The following DNAI7 variants were observed in gnomAD, a reference collection of about 807,000 sequenced individuals.
DNAI7 encodes cancer susceptibility 1.
In DNAI7, 78 loss-of-function variants were observed where a neutral mutation model predicts 86.6. That is an observed-to-expected ratio of 0.90 (90% CI 0.75 to 1.09). The LOEUF (loss-of-function observed/expected upper bound fraction) is 1.09. Among genes scored for constraint, DNAI7 ranks in the 50% least tolerant of loss-of-function variants. The pLI is 0.00. For missense variants in DNAI7, 753 were observed against 810.2 expected, an observed-to-expected ratio of 0.93 and a Z score of 0.86; for synonymous variants, 274 against 273.0, an observed-to-expected ratio of 1.00 and a Z score of -0.04.
chr12:25,111,686 GTATATAATATTAAATTATATAACAT>G, intron 14 of DNAI7, 61 bp downstream of exon 14: 1 of 672,986 alleles, frequency 1.5e-6, no homozygotes, highest in Non-Finnish European at 2.2e-6. Flanking sequence ...AAAATACAGT[GTATATAATATTAAATTATATAACAT>G]TTAATAATTG....
intron 2 of DNAI7, among the ~76,000 whole-genome samples, chr12:25,171,058 C>T (rs969577433): frequency 1.3e-5 from 2 of 151,946 alleles, no homozygotes; most frequent in Non-Finnish European, 2.9e-5. Context: ...TAAGGTCACA[C>T]CTCAAGTAAC....
chr12:25,122,753 A>G (rs570015097), intron 10 of DNAI7, among the ~76,000 whole-genome samples: 36 of 152,326 alleles, frequency 2.4e-4, no homozygotes, highest in Non-Finnish European at 1.2e-4. Flanking sequence ...GTGTATGTGT[A>G]CTTGTGAAAG....
intron 2 of DNAI7, among the ~76,000 whole-genome samples, chr12:25,164,289 C>T (rs1479076418): frequency 6.6e-6 from 1 of 151,984 alleles, no homozygotes; most frequent in Non-Finnish European, 1.5e-5. Context: ...ATCCCCCAAC[C>T]CTTCTCTCCG....
chr12:25,110,329 CA>C, intron 14 of DNAI7, 89 bp from the exon 15 acceptor site: 1 of 712,266 alleles, frequency 1.4e-6, no homozygotes, highest in African/African-American at 1.8e-5. Flanking sequence ...ATTTTCAACA[CA>C]GACGGATCCA....
chr12:25,184,302 T>C (rs1007600023), intron 2 of DNAI7, among the ~76,000 whole-genome samples: 12 of 152,224 alleles, frequency 7.9e-5, no homozygotes, highest in African/African-American at 2.9e-4. Context: ...ACCTAGCTCA[T>C]GGAAACTATG....
chr12:25,179,182 C>T (rs918058108), intron 2 of DNAI7, among the ~76,000 whole-genome samples: 5 of 152,098 alleles, frequency 3.3e-5, no homozygotes, highest in African/African-American at 1.2e-4. Flanking sequence ...ATTGTACCTT[C>T]CTGTTTGCTA....
At chr12:25,134,220 T>G (rs1943264984) in intron 9 of DNAI7, among the ~76,000 whole-genome samples, 1 of 151,986 alleles carries the variant, frequency 6.6e-6, no homozygotes, top group Non-Finnish European at 1.5e-5. Flanking sequence ...GGTCTTGAAC[T>G]CCTGAGCCCA....
chr12:25,168,984 G>A (rs1057463514), intron 2 of DNAI7, among the ~76,000 whole-genome samples: 1 of 151,860 alleles, frequency 6.6e-6, no homozygotes, highest in African/African-American at 2.4e-5. Flanking sequence ...CCCTAATCCC[G>A]CTTGAAGCAG....
chr12:25,108,493 C>T lies in DNAI7; in HGVS notation c.*55G>A, dbSNP rs1360306528. 3 of 1,445,866 alleles carry T rather than the reference C, an allele frequency of 2.1e-6. No homozygotes were observed. Among genetic ancestry groups the T allele is most frequent in the Non-Finnish European group, 2.8e-6 (3 of 1,062,352 alleles). The allele number at this position is 1,445,866 out of a possible 1,614,324, so 89.6% of individuals were successfully genotyped here. A position where few individuals can be genotyped will look rare whatever the true frequency, so the allele number is the denominator to read the frequency against. On this transcript the variant is annotated 3_prime_UTR_variant, in exon 16 of 16. Transcript: ENST00000395987. Reference sequence around the variant, plus strand: ...TCATTACATTGTGTTGCAGAAATACCTGTCTTTCACCATGCTTGGTTCTTC... The same window carrying T: ...TCATTACATTGTGTTGCAGAAATACTTGTCTTTCACCATGCTTGGTTCTTC...
chr12:25,110,806 AT>A (rs986927264), intron 14 of DNAI7, among the ~76,000 whole-genome samples: 1 of 151,970 alleles, frequency 6.6e-6, no homozygotes, highest in Non-Finnish European at 1.5e-5. Flanking sequence ...CTAATCATTT[AT>A]TTTTTTAAAT....
intron 5 of DNAI7, 70 bp from the exon 6 acceptor site, chr12:25,154,526 T>C: frequency 6.6e-7 from 1 of 1,519,608 alleles, no homozygotes; most frequent in South Asian, 1.2e-5. Context: ...ACTTCTTTTT[T>C]GAAGGTGAAT....
In DNAI7 at chr12:25,154,627, A is replaced by G. The variant is rs1346153182; in HGVS notation, c.301-171T>C. 5.3e-5 allele frequency among the ~76,000 whole-genome samples: 8 copies of G among 152,214 alleles called. No individual in the cohort carries two copies. In the East Asian group the frequency reaches 1.5e-3, roughly 29 times the overall value. On this transcript the variant is annotated intron_variant, in intron 5 of 15. Coordinates refer to ENST00000395987, the MANE Select transcript of DNAI7 (RefSeq NM_018272.5). Reference sequence around the variant, plus strand: ...CTCTAAAATAACCAAGTTCTTCTTTATCCAAGTAACTTCTAATCCTTAATA... The same window carrying G: ...CTCTAAAATAACCAAGTTCTTCTTTGTCCAAGTAACTTCTAATCCTTAATA...
chr12:25,123,145 C>T, intron 10 of DNAI7, 66 bp downstream of exon 10: 4 of 1,041,796 alleles, frequency 3.8e-6, no homozygotes, highest in South Asian at 1.5e-5. Flanking sequence ...TAACAATGAT[C>T]CTGTATTTCT....
At chr12:25,124,136 T>C (rs1037690185) in intron 9 of DNAI7, among the ~76,000 whole-genome samples, 1 of 151,664 alleles carries the variant, frequency 6.6e-6, no homozygotes, top group African/African-American at 2.4e-5. Context: ...TCTGCAGCAA[T>C]AGAATAACCT....
chr12:25,113,179 A>G (rs1011675709), intron 13 of DNAI7, among the ~76,000 whole-genome samples: 3 of 152,134 alleles, frequency 2.0e-5, no homozygotes, highest in Non-Finnish European at 2.9e-5. Flanking sequence ...GTTTCTCTCT[A>G]TATACAACAG....
intron 2 of DNAI7, among the ~76,000 whole-genome samples, chr12:25,167,879 T>A (rs555691266): frequency 6.6e-6 from 1 of 152,334 alleles, no homozygotes; most frequent in African/African-American, 2.4e-5. Flanking sequence ...TGGCTGCTCC[T>A]TTATGTATCT....
At chr12:25,127,704 C>A (rs1009374790) in intron 9 of DNAI7, among the ~76,000 whole-genome samples, 2 of 152,162 alleles carry the variant, frequency 1.3e-5, no homozygotes, top group Non-Finnish European at 2.9e-5. Context: ...AAATAATTTT[C>A]ATTGCAACTT....
At chr12:25,142,075 T>C (rs1944261894) in intron 9 of DNAI7, among the ~76,000 whole-genome samples, 1 of 152,096 alleles carries the variant, frequency 6.6e-6, no homozygotes, top group Admixed American at 6.6e-5. Flanking sequence ...AATTTGCAAT[T>C]GCAAAAACAT....
intron 9 of DNAI7, among the ~76,000 whole-genome samples, chr12:25,141,924 T>C (rs1944245043): frequency 6.6e-6 from 1 of 152,186 alleles, no homozygotes; most frequent in Non-Finnish European, 1.5e-5. Context: ...ACACTGATGG[T>C]GGGAATGTAA....
Sources: gnomAD v4.1 joint callset for allele counts (sites outside exome capture counted in the v4.1 genomes callset) on GRCh38, gnomAD v4.1.1 for gene constraint, MANE v1.5 for transcripts, NCBI Gene and HGNC (gene_info 2026-07-23, HGNC 2026-07-21) for gene names.